UNC5C: variants seen among roughly 807,000 people sequenced by gnomAD.
The protein encoded by UNC5C is netrin receptor UNC5C.
In UNC5C, 47 loss-of-function variants were observed where a neutral mutation model predicts 99.8. That is an observed-to-expected ratio of 0.47 (90% CI 0.37 to 0.60). UNC5C has a LOEUF of 0.60. Among genes scored for constraint, UNC5C ranks in the 20% least tolerant of loss-of-function variants. The pLI, the probability that UNC5C is intolerant of heterozygous loss-of-function variation, is 0.00. For synonymous variants in UNC5C, 487 were observed against 452.2 expected (o/e 1.08, Z -0.98); for missense variants, 1,062 against 1,165.9 (o/e 0.91, Z 1.30).
intron 1 of UNC5C, among the ~76,000 whole-genome samples, chr4:95,501,969 T>A (rs7673522): frequency 0.065 from 9,852 of 152,170 alleles, 742 homozygotes; most frequent in African/African-American, 0.18. Flanking sequence ...AAGAGAGGAC[T>A]TTTCTTTTCC....
chr4:95,170,656 G>C (rs986314333), intron 14 of UNC5C, among the ~76,000 whole-genome samples: 67 of 152,226 alleles, frequency 4.4e-4, no homozygotes, highest in African/African-American at 1.4e-3. Context: ...TGAGAGAGAA[G>C]AGAGGGAATA....
chr4:95,179,758 A>AAG (rs1560716328), intron 14 of UNC5C, among the ~76,000 whole-genome samples: 1 of 151,474 alleles, frequency 6.6e-6, no homozygotes, highest in East Asian at 1.9e-4. Flanking sequence ...AAAAAAAAAA[A>AAG]AAAAAAAGAA....
chr4:95,371,956 T>C (rs532367636), intron 1 of UNC5C, among the ~76,000 whole-genome samples: 54 of 152,322 alleles, frequency 3.5e-4, no homozygotes, highest in African/African-American at 1.3e-3. Flanking sequence ...ATTTCTACAT[T>C]GTAATGCAGC....
At chr4:95,278,062 A>G (rs576607123) in intron 4 of UNC5C, among the ~76,000 whole-genome samples, 197 bp downstream of exon 4, 6 of 152,370 alleles carry the variant, frequency 3.9e-5, no homozygotes, top group Admixed American at 2.0e-4. Context: ...GCTTTGTCCA[A>G]TGGGGCATTC....
Position 95,351,889 on chromosome 4 carries a change from C to T in UNC5C, c.125-16258G>A, listed in dbSNP as rs773967430. The stretch of plus-strand genomic sequence containing the variant: ...CCTCTCGGCCTCATCTGACATTTGA[C>T]CCCACTGCACCAACTCTCTCCTTTT... On this transcript the variant is annotated intron_variant, in intron 1 of 15. Transcript: ENST00000453304. Among the ~76,000 whole-genome samples, 46 of 152,058 alleles carry T rather than the reference C, an allele frequency of 3.0e-4. 1 individual carries two copies. The highest frequency in any genetic ancestry group is 7.4e-5 in the Non-Finnish European group (5 of 67,996).
chr4:95,188,093 G>GCAT lies in UNC5C; in HGVS notation c.2137-2900_2137-2898dup, dbSNP rs1736907856. ...TAAGATCCTGTATTAATCTGTCTTA[G>GCAT]CATAAAGCTAAGTACTAATACTGTA... On this transcript the variant is annotated intron_variant, in intron 12 of 15. Coordinates refer to ENST00000453304, the MANE Select transcript of UNC5C (RefSeq NM_003728.4). Among the ~76,000 whole-genome samples, 3 of 152,078 alleles carry GCAT rather than the reference G, an allele frequency of 2.0e-5. No individual in the cohort carries two copies. In the South Asian group the frequency reaches 6.2e-4, roughly 32 times the overall value.
intron 1 of UNC5C, among the ~76,000 whole-genome samples, chr4:95,430,318 A>C (rs1253539830): frequency 6.6e-6 from 1 of 152,106 alleles, no homozygotes; most frequent in Non-Finnish European, 1.5e-5. Flanking sequence ...GTGAACTTCA[A>C]AAAGTCTTTA....
intron 1 of UNC5C, among the ~76,000 whole-genome samples, chr4:95,529,560 T>C (rs1482113052): frequency 6.6e-6 from 1 of 151,510 alleles, no homozygotes; most frequent in Non-Finnish European, 1.5e-5. Context: ...ACCCCATCTC[T>C]ACAAAAAACT....
chr4:95,297,467 A>T (rs974183496), intron 3 of UNC5C, among the ~76,000 whole-genome samples: 2 of 152,226 alleles, frequency 1.3e-5, no homozygotes, highest in Admixed American at 6.5e-5. Context: ...GTGATACTCT[A>T]GGTATTGTGC....
chr4:95,408,165 A>C (rs1210087705), intron 1 of UNC5C, among the ~76,000 whole-genome samples: 1 of 152,220 alleles, frequency 6.6e-6, no homozygotes, highest in African/African-American at 2.4e-5. Context: ...ACTTCAAAGC[A>C]GATTTTTATA....
chr4:95,312,984 T>C (rs972042888), intron 2 of UNC5C, among the ~76,000 whole-genome samples: 5 of 152,286 alleles, frequency 3.3e-5, no homozygotes, highest in Admixed American at 3.3e-4. Flanking sequence ...CTTAGAAAAT[T>C]CTGGAAATCC....
At chr4:95,304,225 C>T (rs950454924) in intron 2 of UNC5C, among the ~76,000 whole-genome samples, 1 of 152,156 alleles carries the variant, frequency 6.6e-6, no homozygotes, top group African/African-American at 2.4e-5. Flanking sequence ...TTATGAAGTA[C>T]ATTCAAAATT....
At chr4:95,536,407 A>G (rs1464198670) in intron 1 of UNC5C, among the ~76,000 whole-genome samples, 1 of 152,176 alleles carries the variant, frequency 6.6e-6, no homozygotes, top group Non-Finnish European at 1.5e-5. Flanking sequence ...TGTCATTCAT[A>G]CAGAAAAAAA....
At chr4:95,250,225 G>C (rs1344349720) in intron 5 of UNC5C, among the ~76,000 whole-genome samples, 2 of 152,012 alleles carry the variant, frequency 1.3e-5, no homozygotes, top group Non-Finnish European at 2.9e-5. Flanking sequence ...GATTGAAAAG[G>C]AGCTTCTAGA....
intron 1 of UNC5C, among the ~76,000 whole-genome samples, chr4:95,470,760 AT>A (rs1481478588): frequency 6.6e-6 from 1 of 152,154 alleles, no homozygotes; most frequent in African/African-American, 2.4e-5. Context: ...TTTGATAAAT[AT>A]TTTTAAACGA....
In UNC5C at chr4:95,268,214, C is replaced by T. The variant is rs186908743; in HGVS notation, c.594+10045G>A. 3.3e-3 allele frequency among the ~76,000 whole-genome samples: 508 copies of T among 152,286 alleles called. 2 individuals are homozygous for T. The highest frequency in any genetic ancestry group is 0.011 in the African/African-American group (461 of 41,554). On this transcript the variant is annotated intron_variant, in intron 4 of 15. Transcript: ENST00000453304. ...TCGGCCTCCCAAGGTGCTGGGATTA[C>T]AGGCGTGAGCCACCGCGCCCGGCCT...
At chr4:95,402,369 A>C (rs1349240254) in intron 1 of UNC5C, among the ~76,000 whole-genome samples, 1 of 152,230 alleles carries the variant, frequency 6.6e-6, no homozygotes, top group Non-Finnish European at 1.5e-5. Flanking sequence ...CTTATGTTTA[A>C]GTGTGGGCTC....
intron 10 of UNC5C, 103 bp from the exon 11 acceptor site, chr4:95,206,899 A>ATTAT: frequency 2.7e-6 from 2 of 742,916 alleles, no homozygotes; most frequent in Non-Finnish European, 3.7e-6. Context: ...TTCTCCTGGA[A>ATTAT]TTCTTTTTTT....
chr4:95,507,880 A>T (rs74344868), intron 1 of UNC5C, among the ~76,000 whole-genome samples: 3 of 152,054 alleles, frequency 2.0e-5, no homozygotes, highest in African/African-American at 7.2e-5. Context: ...TAAAACGCAT[A>T]CAGGGAACTC....
Sources: allele counts gnomAD v4.1 joint callset (sites outside exome capture counted in the v4.1 genomes callset), GRCh38; gene constraint gnomAD v4.1.1; transcripts MANE v1.5; gene names NCBI Gene and HGNC (gene_info 2026-07-23, HGNC 2026-07-21).